ZSWIM5: variants seen among roughly 807,000 people sequenced by gnomAD.
ZSWIM5 encodes zinc finger SWIM domain-containing protein 5.
A neutral mutation model predicts 119.6 loss-of-function variants in ZSWIM5; 55 were observed. The ratio of observed to expected loss-of-function variants is 0.46; its 90% CI spans 0.37 to 0.58. The LOEUF is 0.58. Ranked by LOEUF, ZSWIM5 falls within the 20% of genes least tolerant of loss-of-function variation. The pLI, the probability that ZSWIM5 is intolerant of heterozygous loss-of-function variation, is 0.00. For missense variants in ZSWIM5, 1,193 were observed against 1,512.8 expected (o/e 0.79, Z 3.51); for synonymous variants, 537 against 606.9 (o/e 0.88, Z 1.69).
chr1:45,035,587 T>G (rs770456264), intron 10 of ZSWIM5, 101 bp downstream of exon 10: 11 of 1,467,984 alleles, frequency 7.5e-6, no homozygotes, highest in Non-Finnish European at 9.2e-6. Context: ...TCCAACAGAA[T>G]GACAAAGAGG....
At chr1:45,176,515 T>G (rs916633336) in intron 1 of ZSWIM5, among the ~76,000 whole-genome samples, 9 of 152,160 alleles carry the variant, frequency 5.9e-5, no homozygotes, top group African/African-American at 1.9e-4. Flanking sequence ...TCCACCCGCC[T>G]TGGCCTCCCA....
intron 1 of ZSWIM5, among the ~76,000 whole-genome samples, chr1:45,135,468 T>TA (rs1304998786): frequency 1.1e-4 from 17 of 152,240 alleles, no homozygotes; most frequent in Non-Finnish European, 2.1e-4. Flanking sequence ...TCTAATGGTT[T>TA]AGCTTTATAT....
chr1:45,039,573 T>C (rs2148993075), intron 7 of ZSWIM5, among the ~76,000 whole-genome samples: 1 of 152,164 alleles, frequency 6.6e-6, no homozygotes, highest in African/African-American at 2.4e-5. Flanking sequence ...TTGATAGAAC[T>C]GGGGTTTCAC....
intron 1 of ZSWIM5, among the ~76,000 whole-genome samples, chr1:45,200,010 C>T (rs1342123554): frequency 6.6e-6 from 1 of 152,136 alleles, no homozygotes; most frequent in Non-Finnish European, 1.5e-5. Context: ...AAATCAGAAG[C>T]ATCCAGAAAT....
intron 1 of ZSWIM5, among the ~76,000 whole-genome samples, chr1:45,136,362 C>T (rs887646276): frequency 1.5e-4 from 23 of 151,998 alleles, no homozygotes; most frequent in Admixed American, 7.2e-4. Flanking sequence ...AATTTCATAG[C>T]GAAAATAAAA....
intron 1 of ZSWIM5, among the ~76,000 whole-genome samples, chr1:45,195,068 T>A (rs998808909): frequency 1.3e-5 from 2 of 152,194 alleles, no homozygotes; most frequent in African/African-American, 4.8e-5. Context: ...CTTCTATTAT[T>A]ACAGAACATT....
intron 4 of ZSWIM5, among the ~76,000 whole-genome samples, chr1:45,056,752 C>A (rs1645126163): frequency 6.6e-6 from 1 of 152,100 alleles, no homozygotes; most frequent in African/African-American, 2.4e-5. Flanking sequence ...GAACCCAGAG[C>A]AAACACGTAA....
chr1:45,197,543 C>T (rs889795402), intron 1 of ZSWIM5, among the ~76,000 whole-genome samples: 20 of 152,154 alleles, frequency 1.3e-4, no homozygotes, highest in African/African-American at 4.6e-4. Flanking sequence ...CTTATCCATT[C>T]CCCCATTTGG....
chr1:45,074,281 T>C (rs2149005979), intron 2 of ZSWIM5, among the ~76,000 whole-genome samples: 1 of 152,108 alleles, frequency 6.6e-6, no homozygotes, highest in East Asian at 1.9e-4. Flanking sequence ...TCCTCCTCTA[T>C]TTTCAGAATA....
intron 2 of ZSWIM5, among the ~76,000 whole-genome samples, chr1:45,071,735 AG>A (rs1463073685): frequency 6.6e-5 from 10 of 152,096 alleles, no homozygotes; most frequent in Admixed American, 5.9e-4. Flanking sequence ...CTAGGACTAC[AG>A]GTGTGAGCCA....
At chr1:45,153,955 T>G (rs1242924023) in intron 1 of ZSWIM5, among the ~76,000 whole-genome samples, 1 of 152,078 alleles carries the variant, frequency 6.6e-6, no homozygotes, top group Non-Finnish European at 1.5e-5. Context: ...ACACCAACAG[T>G]GACCAAGGTG....
intron 1 of ZSWIM5, among the ~76,000 whole-genome samples, chr1:45,108,191 C>T (rs1570107615): frequency 6.6e-6 from 1 of 152,164 alleles, no homozygotes; most frequent in East Asian, 1.9e-4. Context: ...ATAATGTGCA[C>T]ACATACAAGG....
Position 45,053,834 on chromosome 1 carries a change from G to A in ZSWIM5, c.1253-2581C>T, listed in dbSNP as rs190412409. Among the ~76,000 whole-genome samples the A allele has an allele frequency of 4.2e-4, 63 of 149,186 alleles. 1 individual carries two copies. The highest frequency in any genetic ancestry group is 1.0e-4 in the Non-Finnish European group (7 of 67,582). On this transcript the variant is annotated intron_variant, in intron 4 of 13. Coordinates refer to ENST00000359600, the MANE Select transcript of ZSWIM5 (RefSeq NM_020883.2). ...ACTTTCACCTATAAGTTACAAATGA[G>A]TTTTCTGTCTTATTAATTACATCCT...
chr1:45,147,091 T>C (rs973609926), intron 1 of ZSWIM5, among the ~76,000 whole-genome samples: 4 of 151,970 alleles, frequency 2.6e-5, no homozygotes, highest in African/African-American at 9.7e-5. Flanking sequence ...TTTTTTTTTT[T>C]TTAAACAGGG....
At chr1:45,204,460 T>C (rs1003096838) in intron 1 of ZSWIM5, among the ~76,000 whole-genome samples, 2 of 152,208 alleles carry the variant, frequency 1.3e-5, no homozygotes, top group African/African-American at 4.8e-5. Context: ...CTCAAGCCAC[T>C]GTCACTATAT....
At chr1:45,084,583 A>AGTAT (rs1387403511) in intron 2 of ZSWIM5, among the ~76,000 whole-genome samples, 1 of 152,246 alleles carries the variant, frequency 6.6e-6, no homozygotes, top group African/African-American at 2.4e-5. Flanking sequence ...ATACAATGGA[A>AGTAT]GTATAGGCAT....
intron 1 of ZSWIM5, among the ~76,000 whole-genome samples, chr1:45,110,516 GA>G (rs1293398807): frequency 6.6e-6 from 1 of 152,182 alleles, no homozygotes; most frequent in Non-Finnish European, 1.5e-5. Context: ...GAGGGTGAAT[GA>G]AAATACTCTT....
At chr1:45,089,654 G>A (rs1181857017) in intron 1 of ZSWIM5, among the ~76,000 whole-genome samples, 2 of 152,152 alleles carry the variant, frequency 1.3e-5, no homozygotes, top group African/African-American at 4.8e-5. Flanking sequence ...CCTCTAAAAG[G>A]TGCCACAACA....
intron 6 of ZSWIM5, among the ~76,000 whole-genome samples, chr1:45,042,963 A>C (rs918675067): frequency 1.3e-5 from 2 of 152,200 alleles, no homozygotes; most frequent in South Asian, 2.1e-4. Context: ...GCTCTTTGAG[A>C]TGCATTAACT....
Sources: gnomAD v4.1 joint callset for allele counts (sites outside exome capture counted in the v4.1 genomes callset) on GRCh38, gnomAD v4.1.1 for gene constraint, MANE v1.5 for transcripts, NCBI Gene and HGNC (gene_info 2026-07-23, HGNC 2026-07-21) for gene names.